Variants in CMC4 observed in about 807,000 individuals in gnomAD.
CMC4 encodes the protein cx9C motif-containing protein 4.
CMC4 carries 4 observed loss-of-function variants against 5.1 expected under a neutral mutation model. That is an observed-to-expected ratio of 0.78 (90% CI 0.38 to 1.78). CMC4 has a LOEUF of 1.78. Among genes scored for constraint, CMC4 ranks in the 40% most tolerant of loss-of-function variants. The pLI is 0.04. For synonymous variants in CMC4, 23 were observed against 18.9 expected, an observed-to-expected ratio of 1.22 and a Z score of -0.57; for missense variants, 52 against 51.3, an observed-to-expected ratio of 1.01 and a Z score of -0.04.
At chrX:155,064,072 A>G in intron 1 of CMC4, 39 bp from the exon 2 acceptor site, 8 of 1,104,042 alleles carry the variant, frequency 7.2e-6, no homozygotes, top group Non-Finnish European at 9.8e-6. Flanking sequence ...TCTTTTTTCC[A>G]TAAAGACTTT....
At chrX:155,065,682 G>T in intron 1 of CMC4, 1 of 1,211,852 alleles carries the variant, frequency 8.3e-7, no homozygotes, top group Non-Finnish European at 1.1e-6. Flanking sequence ...CCTCCGGGTA[G>T]AGTTGCCACA....
At chrX:155,062,437 C>A (rs1281759397) in intron 2 of CMC4, among the ~76,000 whole-genome samples, 1 of 112,178 alleles carries the variant, frequency 8.9e-6, no homozygotes, top group Non-Finnish European at 1.9e-5. Context: ...GTTTTTACAG[C>A]TGGGAGCTAA....
intron 1 of CMC4, chrX:155,065,918 G>A (rs2073946600): frequency 1.7e-6 from 2 of 1,210,514 alleles, no homozygotes; most frequent in African/African-American, 1.7e-5. Context: ...CTTCCACGAC[G>A]GCCACCCACG....
In CMC4 at chrX:155,061,857, A is replaced by G. The variant is rs1326751704; in HGVS notation, c.193T>C (p.Ser65Pro). 2 of 1,206,573 alleles carry G rather than the reference A, an allele frequency of 1.7e-6. No homozygotes were observed. Among genetic ancestry groups the G allele is most frequent in the Non-Finnish European group, 2.2e-6 (2 of 893,556 alleles). Residue 65 changes from serine (S) to proline (P), a missense_variant, in exon 3 of 3, where the codon TCT becomes CCT. Coordinates refer to ENST00000369484, the MANE Select transcript of CMC4 (RefSeq NM_001018024.3). ...TCAGAAGAACTTTACTTTGATGCAG[A>G]CTTCCGTGTTAGGTTTTCTTCCTCT... ...KEEEENLTRK[S>P]ASK
intron 1 of CMC4, among the ~76,000 whole-genome samples, chrX:155,068,996 T>C (rs1280149169): frequency 8.9e-6 from 1 of 112,318 alleles, no homozygotes; most frequent in Non-Finnish European, 1.9e-5. Context: ...CTAGAAGAGA[T>C]TGTCCCCATG....
chrX:155,065,897 AAC>A (rs782012381), intron 1 of CMC4: 3 of 1,206,574 alleles, frequency 2.5e-6, no homozygotes, highest in Middle Eastern at 2.3e-4. Context: ...GCAAAATGTA[AAC>A]AGTTACCTCT....
At position 155,065,582 on chromosome X, in the gene CMC4, C is replaced by T. The variant is rs1482781064; in HGVS notation, c.-10-1549G>A. The T allele has an allele frequency of 3.3e-6, 4 of 1,206,460 alleles. No homozygotes were observed. In the Admixed American group the frequency reaches 8.7e-5, roughly 26 times the overall value. On this transcript the variant is annotated intron_variant, in intron 1 of 2. Transcript: ENST00000369484. ...TTATGGAGTACTCTGTTACGAGAGTCCCAGTACAATGGAAAATAATTAAGC... is the reference window on the plus strand; with the variant it reads ...TTATGGAGTACTCTGTTACGAGAGTTCCAGTACAATGGAAAATAATTAAGC...
rs1557291627 is a variant in CMC4 at position 155,061,849 on chromosome X, T to C, written c.201A>G (p.Ser67=). 8.3e-7 allele frequency: 1 copy of C among 1,207,829 alleles called. No individual in the cohort carries two copies. The highest frequency in any genetic ancestry group is 1.1e-6 in the Non-Finnish European group (1 of 893,844). The change falls in exon 3 of 3, where the codon TCA becomes TCG. Residue 67 remains serine (S), a synonymous_variant. Coordinates refer to ENST00000369484, the MANE Select transcript of CMC4 (RefSeq NM_001018024.3). ...EEENLTRKSA[S]K ...GCAGCACTTCAGAAGAACTTTACTT[T>C]GATGCAGACTTCCGTGTTAGGTTTT...
At chrX:155,066,275 G>A (rs1018611486) in intron 1 of CMC4, among the ~76,000 whole-genome samples, 1 of 112,571 alleles carries the variant, frequency 8.9e-6, no homozygotes, top group Non-Finnish European at 1.9e-5. Flanking sequence ...ACTGCAAAGC[G>A]CTCAAGAATT....
At position 155,061,681 on chromosome X, in the gene CMC4, T is replaced by A; in HGVS notation, c.*162A>T. ...GTATATTACATTCTACATATTTGTCTTTTAATGTGTTTATATTTCTGCCTG... is the reference window on the plus strand; with the variant it reads ...GTATATTACATTCTACATATTTGTCATTTAATGTGTTTATATTTCTGCCTG... On this transcript the variant is annotated 3_prime_UTR_variant, in exon 3 of 3. Coordinates refer to ENST00000369484, the MANE Select transcript of CMC4 (RefSeq NM_001018024.3). 1 of 531,375 alleles carries A rather than the reference T, an allele frequency of 1.9e-6. No homozygotes were observed. Among genetic ancestry groups the A allele is most frequent in the Non-Finnish European group, 2.9e-6 (1 of 340,477 alleles). The allele number at this position is 531,375 out of a possible 1,213,427, so 43.8% of individuals were successfully genotyped here.
At position 155,070,745 on chromosome X, in the gene CMC4, TA is replaced by T. The variant is rs1380791970; in HGVS notation, c.-63del. 1 of 111,966 alleles carries T rather than the reference TA, an allele frequency of 8.9e-6. No individual in the cohort carries two copies. The highest frequency in any genetic ancestry group is 1.9e-5 in the Non-Finnish European group (1 of 53,118). The allele number at this position is 111,966 out of a possible 1,213,427, so 9.2% of individuals were successfully genotyped here. A position where few individuals can be genotyped will look rare whatever the true frequency, so the allele number is the denominator to read the frequency against. ...TAATCCGCCTTGAGAACAGCTAGGCTAAAACTTCCAGGTCTCCCACCCTGGG... is the reference window on the plus strand; with the variant it reads ...TAATCCGCCTTGAGAACAGCTAGGCTAAACTTCCAGGTCTCCCACCCTGGG... On this transcript the variant is annotated 5_prime_UTR_variant, in exon 1 of 3. Coordinates refer to ENST00000369484, the MANE Select transcript of CMC4 (RefSeq NM_001018024.3).
At chrX:155,068,745 G>A (rs1488295576) in intron 1 of CMC4, among the ~76,000 whole-genome samples, 2 of 112,426 alleles carry the variant, frequency 1.8e-5, no homozygotes, top group African/African-American at 6.5e-5. Flanking sequence ...GAAACTTTAT[G>A]TTAACATTTC....
rs184441203 is a variant in CMC4, at chrX:155,066,189, T to C, written c.-10-2156A>G. ...CATATGTCTATTTGCACAACCTAAA[T>C]AGAACCAAGGACATCTGAAGCTTTC... On this transcript the variant is annotated intron_variant, in intron 1 of 2. Transcript: ENST00000369484. 4.4e-3 allele frequency: 1,800 copies of C among 413,246 alleles called. 12 individuals carry two copies. Among genetic ancestry groups the C allele is most frequent in the Non-Finnish European group, 3.2e-3 (770 of 239,212 alleles). 34.1% of individuals were successfully genotyped at this position (413,246 alleles called of 1,213,427 possible). A position where few individuals can be genotyped will look rare whatever the true frequency, so the allele number is the denominator to read the frequency against.
In CMC4 at chrX:155,061,992, C is replaced by G; in HGVS notation, c.59-1G>C. 8.3e-7 allele frequency: 1 copy of G among 1,208,521 alleles called. No individual in the cohort carries two copies. Among genetic ancestry groups the G allele is most frequent in the Non-Finnish European group, 1.1e-6 (1 of 893,976 alleles). ...CACTTTGATTCCATGTAGCTGTTGG[C>G]TGAAAAACATACAGGCAGACTCTAG... On this transcript the variant is annotated splice_acceptor_variant, in intron 2 of 2. Transcript: ENST00000369484. LOFTEE classifies it high-confidence loss of function.
chrX:155,062,414 T>A (rs782499862), intron 2 of CMC4, among the ~76,000 whole-genome samples: 32 of 112,039 alleles, frequency 2.9e-4, no homozygotes, highest in African/African-American at 8.1e-4. Context: ...AGCCTTAGGG[T>A]CAAATTCAGC....
Position 155,065,768 on chromosome X carries a change from G to T in CMC4, c.-10-1735C>A, listed in dbSNP as rs376244277. On this transcript the variant is annotated intron_variant, in intron 1 of 2. Transcript: ENST00000369484. ...AAGGGAACCTGAATTTGCTGGACTC[G>T]TGCCCTTAGGAAACTCGTCTCCTAA... The T allele has an allele frequency of 4.1e-6, 5 of 1,209,166 alleles. No homozygotes were observed. The African/African-American group carries it at 8.8e-5, about 21-fold the overall frequency.
At chrX:155,068,275 T>C (rs1174090921) in intron 1 of CMC4, among the ~76,000 whole-genome samples, 2 of 112,064 alleles carry the variant, frequency 1.8e-5, no homozygotes, top group East Asian at 2.8e-4. Flanking sequence ...GGCAAAGAGT[T>C]TGGAGATGAT....
At position 155,061,941 on chromosome X, in the gene CMC4, T is replaced by TA; in HGVS notation, c.108dup (p.Lys37Ter). 6 of 1,211,163 alleles carry TA rather than the reference T, an allele frequency of 5.0e-6. No homozygotes were observed. Among genetic ancestry groups the TA allele is most frequent in the South Asian group, 1.8e-5 (1 of 56,820 alleles). On this transcript the variant is annotated frameshift_variant, in exon 3 of 3. Transcript: ENST00000369484. LOFTEE classifies it high-confidence loss of function. ...CCCTTGGGATACTGAGCACAACACTTACGCAGTTCTTGGATGACAGCCTGA... is the reference window on the plus strand; with the variant it reads ...CCCTTGGGATACTGAGCACAACACTTAACGCAGTTCTTGGATGACAGCCTGA...
At chrX:155,063,927 A>G in intron 2 of CMC4, 39 bp downstream of exon 2, 1 of 1,073,294 alleles carries the variant, frequency 9.3e-7, no homozygotes, top group Non-Finnish European at 1.3e-6. Context: ...GTTAGTTCAC[A>G]GTGGAAAAAT....
Sources: allele counts gnomAD v4.1 joint callset (sites outside exome capture counted in the v4.1 genomes callset), GRCh38; gene constraint gnomAD v4.1.1; transcripts MANE v1.5; gene names NCBI Gene and HGNC (gene_info 2026-07-23, HGNC 2026-07-21).